The following SLIRP variants were observed in gnomAD, a reference collection of about 807,000 sequenced individuals.
The protein encoded by SLIRP is SRA stem-loop interacting RNA binding protein.
A neutral mutation model predicts 13.4 loss-of-function variants in SLIRP; 12 were observed. The observed-to-expected ratio is 0.89, with a 90% confidence interval of 0.57 to 1.45. SLIRP has a LOEUF of 1.45. Ranked by LOEUF, SLIRP falls within the 40% of genes most tolerant of loss-of-function variation. The pLI, the probability that SLIRP is intolerant of heterozygous loss-of-function variation, is 0.00. For synonymous variants in SLIRP, 55 were observed against 47.1 expected, an observed-to-expected ratio of 1.17 and a Z score of -0.69; for missense variants, 154 against 132.2, an observed-to-expected ratio of 1.17 and a Z score of -0.81.
intron 1 of SLIRP, chr14:77,710,444 T>A: frequency 1.7e-6 from 1 of 572,158 alleles, no homozygotes; most frequent in East Asian, 6.6e-5. Flanking sequence ...CAACACATTT[T>A]ACTAAATTGT....
chr14:77,710,651 T>C, intron 1 of SLIRP, 187 bp from the exon 2 acceptor site: 1 of 1,530,822 alleles, frequency 6.5e-7, no homozygotes. Flanking sequence ...TCTGTCCATC[T>C]CACCACCAAG....
rs1364970254 is a variant in SLIRP, at chr14:77,710,883, G to A, written c.143G>A (p.Cys48Tyr). ...GCACAGTTCGGCCATGTCAGAAGGT[G>A]CATTTTACCTTTTGTAAGTATTAAG... ...HFAQFGHVRRCILPFDKETGF... is the reference protein window; with the variant it reads ...HFAQFGHVRRYILPFDKETGF... The change falls in exon 2 of 4, where the codon TGC becomes TAC. Residue 48 changes from cysteine to tyrosine, a missense_variant. By Grantham distance (194) the Cys-to-Tyr change is radical (BLOSUM62 -2). Coordinates refer to ENST00000557342, the MANE Select transcript of SLIRP (RefSeq NM_031210.6). 8 of 1,613,996 alleles carry A rather than the reference G, an allele frequency of 5.0e-6. No individual in the cohort carries two copies. In the South Asian group the frequency reaches 7.7e-5, roughly 16 times the overall value.
At chr14:77,716,054 C>G (rs941424062) in intron 3 of SLIRP, 175 bp downstream of exon 3, 2 of 534,630 alleles carry the variant, frequency 3.7e-6, no homozygotes, top group African/African-American at 3.9e-5. Flanking sequence ...CGGTGGCTCA[C>G]GCCTGTAATC....
chr14:77,713,986 T>A (rs2080458413), intron 2 of SLIRP, among the ~76,000 whole-genome samples: 1 of 151,934 alleles, frequency 6.6e-6, no homozygotes, highest in Admixed American at 6.6e-5. Context: ...TATTTTTTTG[T>A]TCCATTCATT....
At chr14:77,708,251 A>G (rs2080411686) in intron 1 of SLIRP, 43 bp downstream of exon 1, 3 of 1,587,842 alleles carry the variant, frequency 1.9e-6, no homozygotes, top group East Asian at 2.2e-5. Context: ...TTTAGGTCCA[A>G]GTGATCCTCA....
intron 2 of SLIRP, among the ~76,000 whole-genome samples, chr14:77,711,348 T>C (rs1216042886): frequency 6.6e-6 from 1 of 152,002 alleles, no homozygotes; most frequent in African/African-American, 2.4e-5. Context: ...ATTCTTATCT[T>C]GCAACAGGGT....
intron 2 of SLIRP, among the ~76,000 whole-genome samples, chr14:77,714,988 A>G (rs999919349): frequency 6.6e-6 from 1 of 152,242 alleles, no homozygotes; most frequent in African/African-American, 2.4e-5. Context: ...GTTTAAATTA[A>G]CCAGAAGTCT....
chr14:77,716,739 T>A (rs527853120), intron 3 of SLIRP, among the ~76,000 whole-genome samples: 1 of 151,628 alleles, frequency 6.6e-6, no homozygotes, highest in Non-Finnish European at 1.5e-5. Context: ...TAGCAAGATA[T>A]GTAACACAGT....
At chr14:77,716,423 G>C (rs2080480462) in intron 3 of SLIRP, 1 of 152,228 alleles carries the variant, frequency 6.6e-6, no homozygotes, top group Non-Finnish European at 1.5e-5. Flanking sequence ...GAGGCGGGGG[G>C]GATCACCAGA....
At chr14:77,710,687 A>G (rs1378316505) in intron 1 of SLIRP, 151 bp from the exon 2 acceptor site, 4 of 1,558,358 alleles carry the variant, frequency 2.6e-6, no homozygotes, top group Non-Finnish European at 3.5e-6. Context: ...CTTTATAGTC[A>G]GTACCATAGC....
rs777615571 is a variant in SLIRP at position 77,717,485 on chromosome 14, A to AT, written c.265-4dup. 1.3e-5 allele frequency: 21 copies of AT among 1,611,374 alleles called. No individual in the cohort carries two copies. The highest frequency in any genetic ancestry group is 4.5e-5 in the East Asian group (2 of 44,876). On this transcript the variant is annotated splice_polypyrimidine_tract_variant and intron_variant, in intron 3 of 3. Coordinates refer to ENST00000557342, the MANE Select transcript of SLIRP (RefSeq NM_031210.6). ...TTGCCTTTCCTCCCTTACAGTGCTT[A>AT]TTTTTTTAAGGTCCAGGTTCACACT...
intron 3 of SLIRP, among the ~76,000 whole-genome samples, chr14:77,716,866 A>G (rs571039383): frequency 1.3e-5 from 2 of 152,002 alleles, no homozygotes; most frequent in Admixed American, 6.5e-5. Flanking sequence ...GGTTCAAGCG[A>G]TTCTCCTGCC....
chr14:77,717,486 T>C lies in SLIRP; in HGVS notation c.265-10T>C. The C allele has an allele frequency of 1.9e-6, 3 of 1,610,886 alleles. No homozygotes were observed. On this transcript the variant is annotated splice_polypyrimidine_tract_variant and intron_variant, in intron 3 of 3. Coordinates refer to ENST00000557342, the MANE Select transcript of SLIRP (RefSeq NM_031210.6). ...TGCCTTTCCTCCCTTACAGTGCTTA[T>C]TTTTTTAAGGTCCAGGTTCACACTA... is the stretch of plus-strand genomic sequence containing the variant.
intron 2 of SLIRP, among the ~76,000 whole-genome samples, chr14:77,714,314 T>C (rs79959655): frequency 0.032 from 4,867 of 151,696 alleles, 121 homozygotes; most frequent in Non-Finnish European, 0.051. Context: ...ACTGAGTTAT[T>C]TTTTTTGAGA....
intron 1 of SLIRP, among the ~76,000 whole-genome samples, chr14:77,709,228 T>G (rs2080421131): frequency 6.6e-6 from 1 of 152,248 alleles, no homozygotes; most frequent in African/African-American, 2.4e-5. Context: ...GAGGTTTTTA[T>G]ATTTGCTTAC....
chr14:77,715,068 G>A (rs539966076), intron 2 of SLIRP, among the ~76,000 whole-genome samples: 2 of 152,288 alleles, frequency 1.3e-5, no homozygotes, highest in South Asian at 2.1e-4. Flanking sequence ...GATGATAGTC[G>A]TGGTGGTGGT....
chr14:77,716,052 C>T (rs908291364), intron 3 of SLIRP, 173 bp downstream of exon 3: 5 of 562,462 alleles, frequency 8.9e-6, no homozygotes, highest in African/African-American at 7.8e-5. Context: ...CACGGTGGCT[C>T]ACGCCTGTAA....
In SLIRP at chr14:77,710,843, C is replaced by T. The variant is rs753291002; in HGVS notation, c.103C>T (p.Leu35=). 8.1e-6 allele frequency: 13 copies of T among 1,614,040 alleles called. No individual in the cohort carries two copies. The South Asian group carries it at 8.8e-5, about 11-fold the overall frequency. ...TGTTTTCTTCTGCCACACAGGTCAG[C>T]TGAAAGAACACTTTGCACAGTTCGG... ...RIPWTAASSQ[L]KEHFAQFGHV... Residue 35 remains leucine (L), a synonymous_variant, in exon 2 of 4, where the codon CTG becomes TTG. Transcript: ENST00000557342.
chr14:77,713,212 A>G (rs1276347869), intron 2 of SLIRP, among the ~76,000 whole-genome samples: 1 of 152,090 alleles, frequency 6.6e-6, no homozygotes, highest in African/African-American at 2.4e-5. Flanking sequence ...TAATAAAACA[A>G]TATTTTTATA....
Sources: allele counts gnomAD v4.1 joint callset (sites outside exome capture counted in the v4.1 genomes callset), GRCh38; gene constraint gnomAD v4.1.1; transcripts MANE v1.5; gene names NCBI Gene and HGNC (gene_info 2026-07-23, HGNC 2026-07-21).